IQUB: variants seen among roughly 807,000 people sequenced by gnomAD.
IQUB encodes the protein IQ motif and ubiquitin domain containing.
A neutral mutation model predicts 86.4 loss-of-function variants in IQUB; 86 were observed. The observed-to-expected ratio is 1.00, with a 90% CI of 0.84 to 1.19. The LOEUF (loss-of-function observed/expected upper bound fraction) is 1.19, where lower values mean the gene tolerates loss of function less well. IQUB is among the 50% of genes most tolerant of loss of function. The pLI, the probability that IQUB is intolerant of heterozygous loss-of-function variation, is 0.00. For missense variants in IQUB, 946 were observed against 916.9 expected (o/e 1.03, Z -0.41); for synonymous variants, 289 against 304.5 (o/e 0.95, Z 0.53).
At chr7:123,521,415 G>A (rs1796893857) in intron 1 of IQUB, among the ~76,000 whole-genome samples, 1 of 152,096 alleles carries the variant, frequency 6.6e-6, no homozygotes, top group African/African-American at 2.4e-5. Context: ...GGCCGAGGTG[G>A]TCAGATCTCT....
At position 123,469,402 on chromosome 7, in the gene IQUB, G is replaced by C. The variant is rs1794424555; in HGVS notation, c.1411-18C>G. On this transcript the variant is annotated intron_variant, in intron 8 of 12. Transcript: ENST00000324698. ...GCTGAACACTTAAAAATAATATTAT[G>C]TTTATAATTATCAGTTAATTAGAAA... The C allele has an allele frequency of 2.8e-6, 4 of 1,446,078 alleles. No individual in the cohort carries two copies. The highest frequency in any genetic ancestry group is 2.8e-5 in the South Asian group (2 of 71,126). 89.6% of individuals were successfully genotyped at this position (1,446,078 alleles called of 1,614,324 possible). A position where few individuals can be genotyped will look rare whatever the true frequency, so the allele number is the denominator to read the frequency against.
At chr7:123,513,520 G>A (rs1461719152) in intron 1 of IQUB, among the ~76,000 whole-genome samples, 2 of 152,182 alleles carry the variant, frequency 1.3e-5, no homozygotes, top group African/African-American at 4.8e-5. Context: ...ACTATGTGCG[G>A]TCTTTGCAGT....
chr7:123,490,042 C>A (rs1481991895), intron 7 of IQUB, among the ~76,000 whole-genome samples: 1 of 151,632 alleles, frequency 6.6e-6, no homozygotes, highest in Non-Finnish European at 1.5e-5. Flanking sequence ...TTATATCCAA[C>A]CATATTAATA....
intron 8 of IQUB, among the ~76,000 whole-genome samples, chr7:123,470,096 A>C (rs1382737799): frequency 6.6e-6 from 1 of 152,174 alleles, no homozygotes; most frequent in Non-Finnish European, 1.5e-5. Flanking sequence ...CTCCCAGGCT[A>C]AGAATTCAGA....
intron 1 of IQUB, among the ~76,000 whole-genome samples, chr7:123,533,539 CTTA>C (rs1441259446): frequency 6.6e-6 from 1 of 152,150 alleles, no homozygotes; most frequent in East Asian, 1.9e-4. Flanking sequence ...AATCTTTTTG[CTTA>C]TGAGAGTTTC....
intron 7 of IQUB, among the ~76,000 whole-genome samples, chr7:123,482,754 GTCT>G (rs1342056909): frequency 6.6e-6 from 1 of 152,034 alleles, no homozygotes; most frequent in Non-Finnish European, 1.5e-5. Context: ...TCAACCACAA[GTCT>G]TCTCTGAAAG....
intron 9 of IQUB, among the ~76,000 whole-genome samples, chr7:123,466,866 G>A (rs1047624580): frequency 3.9e-5 from 6 of 151,966 alleles, no homozygotes; most frequent in East Asian, 1.9e-4. Flanking sequence ...GGGCCATATC[G>A]ATGACCAAAA....
chr7:123,469,035 CATTT>C (rs1445936710), intron 9 of IQUB, among the ~76,000 whole-genome samples, 175 bp downstream of exon 9: 3 of 152,066 alleles, frequency 2.0e-5, no homozygotes, highest in Non-Finnish European at 4.4e-5. Context: ...ATTATATTTA[CATTT>C]ATTATGTATT....
rs1584628667 is a variant in IQUB at position 123,509,962 on chromosome 7, A to AAG, written c.469_470dup (p.Lys158LeufsTer9). 3 of 1,606,440 alleles carry AAG rather than the reference A, an allele frequency of 1.9e-6. No homozygotes were observed. Among genetic ancestry groups the AAG allele is most frequent in the Non-Finnish European group, 2.6e-6 (3 of 1,174,522 alleles). ...CTAATAAGTGTGAAAAATGGTCCTT[A>AAG]AGATATTTAAGAATGGTATCAACCT... is the stretch of plus-strand genomic sequence containing the variant. On this transcript the variant is annotated frameshift_variant, in exon 3 of 13. Transcript: ENST00000324698. LOFTEE classifies it high-confidence loss of function.
chr7:123,469,377 G>T lies in IQUB; in HGVS notation c.1418C>A (p.Ala473Asp). 2 of 1,557,744 alleles carry T rather than the reference G, an allele frequency of 1.3e-6. No homozygotes were observed. Among genetic ancestry groups the T allele is most frequent in the Non-Finnish European group, 8.7e-7 (1 of 1,150,254 alleles). The part of the protein sequence containing the change: ...AIQAFLDKCS[A>D]PKIWRTPNGK... ...ATTAGGGGTTCTCCATATTTTTGGA[G>T]CTGAACACTTAAAAATAATATTATG... The change falls in exon 9 of 13, where the codon GCT (alanine) becomes GAT (aspartate). Residue 473 changes from alanine to aspartate, a missense_variant. Physicochemically the swap from Ala to Asp is moderately radical, Grantham distance 126. Transcript: ENST00000324698.
chr7:123,458,939 T>C (rs1163133987), intron 11 of IQUB, among the ~76,000 whole-genome samples: 1 of 152,018 alleles, frequency 6.6e-6, no homozygotes, highest in African/African-American at 2.4e-5. Flanking sequence ...TCATTTTACA[T>C]GGCATCATGT....
At chr7:123,476,730 G>T (rs1794760170) in intron 8 of IQUB, among the ~76,000 whole-genome samples, 1 of 151,472 alleles carries the variant, frequency 6.6e-6, no homozygotes, top group African/African-American at 2.4e-5. Flanking sequence ...CCTGTCTCAT[G>T]ACATCCTCCC....
rs563850633 is a variant in IQUB, at chr7:123,526,746, G to A, written c.-5+7746C>T. Among the ~76,000 whole-genome samples the A allele has an allele frequency of 2.1e-3, 312 of 151,056 alleles. 1 individual carries two copies. The highest frequency in any genetic ancestry group is 7.0e-3 in the African/African-American group (287 of 41,044). On this transcript the variant is annotated intron_variant, in intron 1 of 12. Transcript: ENST00000324698. The stretch of plus-strand genomic sequence containing the variant: ...GTGAATTTGATCCTGTCATTATGAT[G>A]TTAGCTGGTTATTTTGCTCATTAGT...
intron 7 of IQUB, among the ~76,000 whole-genome samples, chr7:123,481,398 T>C (rs200576275): frequency 6.6e-5 from 10 of 152,096 alleles, no homozygotes; most frequent in African/African-American, 2.4e-4. Context: ...AGATAGAAGC[T>C]TCTATACAAA....
intron 7 of IQUB, among the ~76,000 whole-genome samples, chr7:123,494,911 AC>A (rs1383626137): frequency 6.6e-6 from 1 of 152,078 alleles, no homozygotes; most frequent in Non-Finnish European, 1.5e-5. Context: ...ATTATTTTGC[AC>A]AGTTGTCTGT....
intron 2 of IQUB, 63 bp downstream of exon 2, chr7:123,511,881 C>T: frequency 1.6e-6 from 2 of 1,287,502 alleles, no homozygotes; most frequent in Non-Finnish European, 2.1e-6. Context: ...AATAAGCCAA[C>T]AAGAAAACGC....
intron 1 of IQUB, among the ~76,000 whole-genome samples, chr7:123,529,486 T>G (rs1797416988): frequency 6.8e-6 from 1 of 146,654 alleles, no homozygotes; most frequent in Non-Finnish European, 1.5e-5. Context: ...TGTTTTTTTT[T>G]TGTTTTAATA....
chr7:123,526,987 G>T (rs1051559020), intron 1 of IQUB, among the ~76,000 whole-genome samples: 7 of 152,020 alleles, frequency 4.6e-5, no homozygotes, highest in African/African-American at 1.5e-4. Context: ...GAAATTCTGG[G>T]TTGAAAATTC....
At chr7:123,501,769 T>C (rs1018421187) in intron 6 of IQUB, 3 of 152,206 alleles carry the variant, frequency 2.0e-5, no homozygotes, top group Non-Finnish European at 4.4e-5. Flanking sequence ...TACACACCCT[T>C]GTTTTGCATT....
Sources: allele counts gnomAD v4.1 joint callset (sites outside exome capture counted in the v4.1 genomes callset), GRCh38; gene constraint gnomAD v4.1.1; transcripts MANE v1.5; gene names NCBI Gene and HGNC (gene_info 2026-07-23, HGNC 2026-07-21).